Variants in DTWD2 observed in about 807,000 individuals in gnomAD.
The protein encoded by DTWD2 is DTW motif tRNA-uridine aminocarboxypropyltransferase 2.
A neutral mutation model predicts 31.8 loss-of-function variants in DTWD2; 39 were observed. The ratio of observed to expected loss-of-function variants is 1.22; its 90% confidence interval spans 0.95 to 1.60. The LOEUF (loss-of-function observed/expected upper bound fraction) is 1.60. Ranked by LOEUF, DTWD2 falls within the 40% of genes most tolerant of loss-of-function variation. DTWD2 has a pLI of 0.00. For missense variants in DTWD2, 515 were observed against 381.5 expected, an observed-to-expected ratio of 1.35 and a Z score of -2.92; for synonymous variants, 180 against 142.8, an observed-to-expected ratio of 1.26 and a Z score of -1.86.
rs143110076 is a variant in DTWD2, at chr5:118,967,641, T to C, written c.218+20653A>G. 1.2e-4 allele frequency among the ~76,000 whole-genome samples: 18 copies of C among 152,180 alleles called. 1 individual carries two copies. Among genetic ancestry groups the C allele is most frequent in the African/African-American group, 4.3e-4 (18 of 41,450 alleles). ...AAGAAATAAAAATAGTATTGGATTA[T>C]AATCCAGTAATAAAATAAATATCCA... is the stretch of plus-strand genomic sequence containing the variant. On this transcript the variant is annotated intron_variant, in intron 1 of 5. Coordinates refer to ENST00000510708, the MANE Select transcript of DTWD2 (RefSeq NM_173666.4).
intron 4 of DTWD2, among the ~76,000 whole-genome samples, chr5:118,863,742 T>C (rs527274006): frequency 3.3e-5 from 5 of 152,350 alleles, no homozygotes; most frequent in South Asian, 4.1e-4. Flanking sequence ...AGCCCTAATA[T>C]TGTACATTTA....
At chr5:118,933,843 C>T (rs1344313350) in intron 3 of DTWD2, among the ~76,000 whole-genome samples, 1 of 150,688 alleles carries the variant, frequency 6.6e-6, no homozygotes, top group Non-Finnish European at 1.5e-5. Flanking sequence ...CTCAGAAGAC[C>T]TAATCATCTA....
Position 118,960,252 on chromosome 5 carries a change from A to G in DTWD2, c.219-15603T>C, listed in dbSNP as rs548627958. On this transcript the variant is annotated intron_variant, in intron 1 of 5. Coordinates refer to ENST00000510708, the MANE Select transcript of DTWD2 (RefSeq NM_173666.4). ...TTAAATCTACAAGCAAAAAAAACCCATTAAAATGTGAGCAAAAGACATAAA... is the reference window on the plus strand; with the variant it reads ...TTAAATCTACAAGCAAAAAAAACCCGTTAAAATGTGAGCAAAAGACATAAA... Among the ~76,000 whole-genome samples, 13 of 152,284 alleles carry G rather than the reference A, an allele frequency of 8.5e-5. No homozygotes were observed. The East Asian group carries it at 2.5e-3, about 29-fold the overall frequency.
At chr5:118,983,614 A>C (rs1223600454) in intron 1 of DTWD2, among the ~76,000 whole-genome samples, 1 of 152,232 alleles carries the variant, frequency 6.6e-6, no homozygotes, top group Non-Finnish European at 1.5e-5. Flanking sequence ...GGAATTAAAA[A>C]GCCAGAGAAA....
chr5:118,977,179 A>C (rs541257436), intron 1 of DTWD2, among the ~76,000 whole-genome samples: 8 of 152,250 alleles, frequency 5.3e-5, no homozygotes, highest in Non-Finnish European at 8.8e-5. Context: ...TATTGATGGA[A>C]CATATCTCAA....
At chr5:118,885,982 C>T (rs916930970) in intron 4 of DTWD2, among the ~76,000 whole-genome samples, 1 of 151,952 alleles carries the variant, frequency 6.6e-6, no homozygotes, top group African/African-American at 2.4e-5. Context: ...CAAAGAAACA[C>T]ACACACACAA....
At chr5:118,855,081 C>A (rs1752098923) in intron 4 of DTWD2, among the ~76,000 whole-genome samples, 2 of 151,078 alleles carry the variant, frequency 1.3e-5, no homozygotes, top group Non-Finnish European at 3.0e-5. Context: ...GCAAGAGGAT[C>A]ACCTGCGCCT....
At chr5:118,913,217 A>G (rs184238065) in intron 4 of DTWD2, among the ~76,000 whole-genome samples, 214 of 152,100 alleles carry the variant, frequency 1.4e-3, no homozygotes, top group Non-Finnish European at 6.8e-4. Flanking sequence ...GGTAGGGGCC[A>G]GGGACATGGC....
chr5:118,841,073 A>G lies in DTWD2; in HGVS notation c.741T>C (p.Pro247=). 6.2e-7 allele frequency: 1 copy of G among 1,611,706 alleles called. No individual in the cohort carries two copies. Among genetic ancestry groups the G allele is most frequent in the Non-Finnish European group, 8.5e-7 (1 of 1,178,642 alleles). The part of the protein sequence containing the change: ...NNYIQETLLR[P]LQALCSFQLQ... ...GTTGAAAGGAGCATAAAGCTTGAAG[A>G]GGGCGAAGCAAAGTCTGTCAAGAGA... Residue 247 remains proline, a synonymous_variant, in exon 6 of 6, where the codon CCT becomes CCC. Transcript: ENST00000510708.
chr5:118,939,531 C>T (rs925876239), intron 2 of DTWD2, among the ~76,000 whole-genome samples: 2 of 152,100 alleles, frequency 1.3e-5, no homozygotes, highest in Non-Finnish European at 1.5e-5. Context: ...AAGAAGATTA[C>T]ATTAATATAT....
At chr5:118,892,753 T>C (rs1215075585) in intron 4 of DTWD2, among the ~76,000 whole-genome samples, 1 of 152,118 alleles carries the variant, frequency 6.6e-6, no homozygotes, top group East Asian at 1.9e-4. Flanking sequence ...ACTACATATG[T>C]ATTTTCCATC....
intron 4 of DTWD2, among the ~76,000 whole-genome samples, chr5:118,867,302 A>T (rs934307157): frequency 6.6e-6 from 1 of 152,194 alleles, no homozygotes; most frequent in Non-Finnish European, 1.5e-5. Context: ...GGAAAAAATT[A>T]ATTCTATGGA....
intron 4 of DTWD2, among the ~76,000 whole-genome samples, chr5:118,919,544 T>C (rs1461581364): frequency 1.3e-5 from 2 of 152,214 alleles, no homozygotes; most frequent in African/African-American, 4.8e-5. Flanking sequence ...CCAAGTGTTC[T>C]ATGCTCAAAA....
At chr5:118,931,133 C>T (rs1753913614) in intron 3 of DTWD2, among the ~76,000 whole-genome samples, 1 of 152,090 alleles carries the variant, frequency 6.6e-6, no homozygotes. Context: ...TGGCTCACCC[C>T]TGTAATCCCA....
intron 4 of DTWD2, among the ~76,000 whole-genome samples, chr5:118,910,171 C>A (rs561276812): frequency 1.6e-4 from 25 of 152,284 alleles, no homozygotes; most frequent in African/African-American, 5.8e-4. Flanking sequence ...TTTAAAAGTT[C>A]TGCTCCTCTT....
At chr5:118,976,361 G>T (rs945945095) in intron 1 of DTWD2, among the ~76,000 whole-genome samples, 1 of 151,514 alleles carries the variant, frequency 6.6e-6, no homozygotes, top group African/African-American at 2.4e-5. Context: ...AGAAGATAGA[G>T]ACACAAAAAA....
intron 4 of DTWD2, among the ~76,000 whole-genome samples, chr5:118,908,191 T>C (rs1753376645): frequency 6.6e-6 from 1 of 152,088 alleles, no homozygotes; most frequent in Non-Finnish European, 1.5e-5. Flanking sequence ...GGACATTACA[T>C]ATAAAAAATA....
chr5:118,881,223 A>G (rs185567393), intron 4 of DTWD2, among the ~76,000 whole-genome samples: 51 of 152,328 alleles, frequency 3.3e-4, no homozygotes, highest in African/African-American at 1.1e-3. Context: ...AATATCTGTT[A>G]AGTCACATGA....
rs566226931 is a variant in DTWD2, at chr5:118,939,081, G to T, written c.404+115C>A. On this transcript the variant is annotated intron_variant, in intron 3 of 5. Transcript: ENST00000510708. ...GGGGTTAGCAGAACCTAAATTTTTT[G>T]ACTAATTTCCACTCTTTAGACCATG... The T allele has an allele frequency of 4.9e-4, 452 of 928,266 alleles. 4 individuals are homozygous for T. The African/African-American group carries it at 7.3e-3, about 15-fold the overall frequency. The allele number at this position is 928,266 out of a possible 1,614,324, so 57.5% of individuals were successfully genotyped here. A position where few individuals can be genotyped will look rare whatever the true frequency, so the allele number is the denominator to read the frequency against.
Sources: allele counts gnomAD v4.1 joint callset (sites outside exome capture counted in the v4.1 genomes callset), GRCh38; gene constraint gnomAD v4.1.1; transcripts MANE v1.5; gene names NCBI Gene and HGNC (gene_info 2026-07-23, HGNC 2026-07-21).